The following TF variants were observed in gnomAD, a reference collection of about 807,000 sequenced individuals.
TF encodes serotransferrin.
Under a neutral mutation model 82.4 loss-of-function variants are expected in TF, and 55 were observed. The ratio of observed to expected loss-of-function variants is 0.67; its 90% CI spans 0.54 to 0.84. TF has a LOEUF of 0.84. TF is among the 40% of genes least tolerant of loss of function. The probability of loss-of-function intolerance (pLI) is 0.00; values close to 1 mark genes in which losing one functional copy is unlikely to be tolerated. For synonymous variants in TF, 332 were observed against 332.6 expected (o/e 1.00, Z 0.02); for missense variants, 737 against 868.4 (o/e 0.85, Z 1.90).
Position 133,782,089 on chromosome 3 carries a change from A to G in TF, c.*3469A>G, listed in dbSNP as rs760812854. On this transcript the variant is annotated 3_prime_UTR_variant, in exon 17 of 17. Coordinates refer to ENST00000402696, the MANE Select transcript of TF (RefSeq NM_001063.4). ...CATAAGGGAAATGTGAATTGAAACC[A>G]TTATGAGACACTAGATAATAATAGG... 6.6e-6 allele frequency: 1 copy of G among 152,236 alleles called. No individual in the cohort carries two copies. Among genetic ancestry groups the G allele is most frequent in the Admixed American group, 6.5e-5 (1 of 15,288 alleles). The allele number at this position is 152,236 out of a possible 1,614,324, so 9.4% of individuals were successfully genotyped here.
the TF span, chr3:133,700,984 C>T: frequency 6.6e-6 from 1 of 152,512 alleles, no homozygotes; most frequent in East Asian, 1.9e-4. Context: ...TTTAATGGTC[C>T]CACCTAAGAT....
chr3:133,676,969 T>A, the TF span, among the ~76,000 whole-genome samples: 3 of 152,166 alleles, frequency 2.0e-5, no homozygotes, highest in South Asian at 6.2e-4. Flanking sequence ...TCTTCAAAGC[T>A]CAGTGTTCTA....
intron 5 of TF, chr3:133,755,703 T>A: frequency 1.5e-6 from 1 of 646,008 alleles, no homozygotes; most frequent in Non-Finnish European, 2.7e-6. Context: ...AAGTAGGTCC[T>A]TTTCCTGGGG....
the TF span, among the ~76,000 whole-genome samples, chr3:133,721,037 A>G: frequency 6.6e-6 from 1 of 152,026 alleles, no homozygotes; most frequent in African/African-American, 2.4e-5. Flanking sequence ...TTTTCAAAAA[A>G]CCAAATCTTT....
the TF span, among the ~76,000 whole-genome samples, chr3:133,722,934 C>T: frequency 6.6e-6 from 1 of 152,110 alleles, no homozygotes; most frequent in Non-Finnish European, 1.5e-5. Context: ...TGTAGCACTC[C>T]TTTAAACATT....
rs1479993436 is a variant in TF at position 133,782,944 on chromosome 3, G to C, written c.*4324G>C. On this transcript the variant is annotated 3_prime_UTR_variant, in exon 17 of 17. Transcript: ENST00000402696. The stretch of plus-strand genomic sequence containing the variant: ...ACTCAGGAGGATGGATTGAGCCTGG[G>C]AGGTCGAGGCTGCAGTGAGCAGTGA... 6.6e-6 allele frequency: 1 copy of C among 152,188 alleles called. No homozygotes were observed. The highest frequency in any genetic ancestry group is 2.4e-5 in the African/African-American group (1 of 41,414). 9.4% of individuals were successfully genotyped at this position (152,188 alleles called of 1,614,324 possible).
At position 133,787,365 on chromosome 3, in the gene TF, G is replaced by A. The variant is rs1396425001; in HGVS notation, c.*8745G>A. 5 of 152,130 alleles carry A rather than the reference G, an allele frequency of 3.3e-5. No homozygotes were observed. Among genetic ancestry groups the A allele is most frequent in the Non-Finnish European group, 7.4e-5 (5 of 68,022 alleles). The allele number at this position is 152,130 out of a possible 1,614,324, so 9.4% of individuals were successfully genotyped here. ...CCACTGGATTGAAGACAGAGAGAAG[G>A]GAGTGAGGAAGGACTGGTTCAAGGT... On this transcript the variant is annotated 3_prime_UTR_variant, in exon 17 of 17. Coordinates refer to ENST00000402696, the MANE Select transcript of TF (RefSeq NM_001063.4).
the TF span, among the ~76,000 whole-genome samples, chr3:133,679,569 C>CTTTTTTTTTTTTT: frequency 2.3e-4 from 17 of 75,384 alleles, no homozygotes; most frequent in Admixed American, 3.6e-4. Context: ...CTTTGTTTGG[C>CTTTTTTTTTTTTT]TTTTTTTTTT....
the TF span, among the ~76,000 whole-genome samples, chr3:133,675,242 C>CAAAAAAA: frequency 3.6e-5 from 2 of 55,450 alleles, no homozygotes; most frequent in East Asian, 9.3e-4. Flanking sequence ...GAGACTCTGT[C>CAAAAAAA]AAAAAAAAAA....
upstream of TF, among the ~76,000 whole-genome samples, chr3:133,743,861 C>A (rs1427933449): frequency 1.3e-5 from 2 of 152,158 alleles, no homozygotes; most frequent in African/African-American, 2.4e-5. Flanking sequence ...CATAGGCACC[C>A]CATACAGCTA....
chr3:133,740,986 ATTTTT>A, the TF span, among the ~76,000 whole-genome samples: 6 of 47,452 alleles, frequency 1.3e-4, no homozygotes, highest in Non-Finnish European at 2.2e-4. Flanking sequence ...ATCCAGCTCT[ATTTTT>A]TTTTTTTTTT....
At position 133,786,239 on chromosome 3, in the gene TF, A is replaced by AAAAAAC. The variant is rs1934682207; in HGVS notation, c.*7620_*7621insAAAACA. 1 of 150,514 alleles carries AAAAAAC rather than the reference A, an allele frequency of 6.6e-6. No individual in the cohort carries two copies. The highest frequency in any genetic ancestry group is 1.5e-5 in the Non-Finnish European group (1 of 67,896). The allele number at this position is 150,514 out of a possible 1,614,324, so 9.3% of individuals were successfully genotyped here. On this transcript the variant is annotated 3_prime_UTR_variant, in exon 17 of 17. Coordinates refer to ENST00000402696, the MANE Select transcript of TF (RefSeq NM_001063.4). ...AAATAAATTAAAAAAAAAAAAAAAA[A>AAAAAAC]ACAATACTATTTTTTGAACTATCTA...
chr3:133,710,080 C>T, the TF span: 8 of 152,474 alleles, frequency 5.2e-5, no homozygotes, highest in Admixed American at 3.3e-4. Flanking sequence ...CATGTTCATC[C>T]TCATCTCTCC....
chr3:133,757,028 C>T lies in TF; in HGVS notation c.870+19C>T, dbSNP rs761157609. 2.5e-6 allele frequency: 4 copies of T among 1,614,170 alleles called. No homozygotes were observed. The South Asian group carries it at 3.3e-5, about 13-fold the overall frequency. ...GGCCCAGGTATCCCCACCTGCCATC[C>T]TCCCCTCCAGCTTAGTGCTCCCTGC... On this transcript the variant is annotated intron_variant, in intron 7 of 16. Coordinates refer to ENST00000402696, the MANE Select transcript of TF (RefSeq NM_001063.4).
At chr3:133,751,713 T>C (rs887496470) in intron 2 of TF, among the ~76,000 whole-genome samples, 4 of 152,010 alleles carry the variant, frequency 2.6e-5, no homozygotes. Context: ...TAAAATTGGC[T>C]GGGTGCGGTG....
chr3:133,755,487 A>G lies in TF; in HGVS notation c.627A>G (p.Gly209=). Residue 209 remains glycine, a synonymous_variant, in exon 5 of 17, where the codon GGA becomes GGG. Coordinates refer to ENST00000402696, the MANE Select transcript of TF (RefSeq NM_001063.4). ...STLNQYFGYS[G]AFKCLKDGAG... The stretch of plus-strand genomic sequence containing the variant: ...TTAACCAATACTTCGGCTACTCGGG[A>G]GCCTTCAAGTGAGTGAGATGTCTGC... The G allele has an allele frequency of 6.2e-7, 1 of 1,614,050 alleles. No homozygotes were observed. The highest frequency in any genetic ancestry group is 1.3e-5 in the African/African-American group (1 of 75,036).
the TF span, among the ~76,000 whole-genome samples, chr3:133,733,556 G>T: frequency 6.6e-6 from 1 of 152,152 alleles, no homozygotes; most frequent in Non-Finnish European, 1.5e-5. Flanking sequence ...AGTGGAACTG[G>T]GTGAGATTGA....
the TF span, among the ~76,000 whole-genome samples, chr3:133,678,965 C>T: frequency 2.6e-5 from 4 of 152,044 alleles, no homozygotes; most frequent in South Asian, 4.1e-4. Flanking sequence ...CTCCACCTCC[C>T]GGGTTCAAGC....
At chr3:133,777,356 A>G in intron 16 of TF, 118 bp downstream of exon 16, 1 of 952,600 alleles carries the variant, frequency 1.0e-6, no homozygotes, top group South Asian at 1.4e-5. Context: ...CATGGACAAA[A>G]TGAAATGGTG....
Sources: allele counts gnomAD v4.1 joint callset (sites outside exome capture counted in the v4.1 genomes callset), GRCh38; gene constraint gnomAD v4.1.1; transcripts MANE v1.5; gene names NCBI Gene and HGNC (gene_info 2026-07-23, HGNC 2026-07-21).